The following MOXD1 variants were observed in gnomAD, a reference collection of about 807,000 sequenced individuals.
MOXD1 encodes the protein DBH-like monooxygenase protein 1.
MOXD1 carries 62 observed loss-of-function variants against 66.6 expected under a neutral mutation model. The observed-to-expected ratio is 0.93, with a 90% CI of 0.76 to 1.15. The LOEUF is 1.15. Ranked by LOEUF, MOXD1 falls within the 50% of genes most tolerant of loss-of-function variation. The pLI is 0.00. For missense variants in MOXD1, 847 were observed against 754.6 expected, an observed-to-expected ratio of 1.12 and a Z score of -1.44; for synonymous variants, 303 against 281.9, an observed-to-expected ratio of 1.07 and a Z score of -0.75.
chr6:132,350,773 A>C (rs1775785624), intron 4 of MOXD1, among the ~76,000 whole-genome samples: 1 of 152,066 alleles, frequency 6.6e-6, no homozygotes, highest in African/African-American at 2.4e-5. Flanking sequence ...ATGTGTTTCC[A>C]TTTGTTTGTG....
intron 4 of MOXD1, among the ~76,000 whole-genome samples, chr6:132,360,569 T>C (rs1775998073): frequency 6.8e-6 from 1 of 146,088 alleles, no homozygotes; most frequent in Admixed American, 6.7e-5. Flanking sequence ...CCATATGGCA[T>C]GGGACTGTGC....
intron 9 of MOXD1, among the ~76,000 whole-genome samples, chr6:132,318,983 G>C (rs896717706): frequency 1.3e-5 from 2 of 151,740 alleles, no homozygotes; most frequent in African/African-American, 2.4e-5. Flanking sequence ...AGAATTTGTA[G>C]GTCTGTTTCT....
At chr6:132,374,594 A>T (rs1267761212) in intron 2 of MOXD1, 37 bp downstream of exon 2, 1 of 1,597,622 alleles carries the variant, frequency 6.3e-7, no homozygotes, top group South Asian at 1.1e-5. Context: ...TAAATATACA[A>T]TTTGTTCATG....
intron 1 of MOXD1, among the ~76,000 whole-genome samples, chr6:132,378,476 T>C (rs973619549): frequency 3.3e-5 from 5 of 151,548 alleles, no homozygotes; most frequent in Non-Finnish European, 7.4e-5. Context: ...ATCTACTTTA[T>C]GGAATCAAAA....
chr6:132,299,193 G>A (rs544913815), intron 10 of MOXD1, among the ~76,000 whole-genome samples: 6 of 152,198 alleles, frequency 3.9e-5, no homozygotes, highest in South Asian at 4.1e-4. Context: ...CAAAAACCGC[G>A]TGTTCTCACA....
chr6:132,392,230 G>T, intron 1 of MOXD1: 1 of 1,600,772 alleles, frequency 6.2e-7, no homozygotes, highest in Non-Finnish European at 8.5e-7. Context: ...CAAGTGGCCC[G>T]GCAGCAATTA....
Position 132,401,359 on chromosome 6 carries a change from C to A in MOXD1, c.68G>T (p.Arg23Leu), listed in dbSNP as rs1562304743. ...LPGTAAGGSGRTYPHRTLLDS... is the reference protein window; with the variant it reads ...LPGTAAGGSGLTYPHRTLLDS... The stretch of plus-strand genomic sequence containing the variant: ...CAGGAGGGTCCGGTGCGGATAGGTT[C>A]GGCCCGAGCCCCCCGCCGCCGTCCC... The change falls in exon 1 of 12, where the codon CGA (arginine) becomes CTA (leucine). Residue 23 changes from arginine to leucine, a missense_variant. Arg to Leu is a moderately radical substitution (Grantham distance 102). Coordinates refer to ENST00000367963, the MANE Select transcript of MOXD1 (RefSeq NM_015529.4). 1.3e-6 allele frequency: 2 copies of A among 1,557,848 alleles called. No homozygotes were observed. Among genetic ancestry groups the A allele is most frequent in the Admixed American group, 1.9e-5 (1 of 54,004 alleles).
chr6:132,395,167 A>C (rs1444424704), intron 1 of MOXD1, among the ~76,000 whole-genome samples: 2 of 152,166 alleles, frequency 1.3e-5, no homozygotes, highest in African/African-American at 4.8e-5. Flanking sequence ...TGAAAGGAAA[A>C]AAAACTGCCA....
chr6:132,362,152 T>C (rs1776029444), intron 4 of MOXD1, among the ~76,000 whole-genome samples: 1 of 152,072 alleles, frequency 6.6e-6, no homozygotes, highest in African/African-American at 2.4e-5. Context: ...AACAAAAAAA[T>C]AAAATTGACC....
intron 4 of MOXD1, among the ~76,000 whole-genome samples, chr6:132,355,343 CT>C (rs769333354): frequency 2.6e-5 from 4 of 152,144 alleles, no homozygotes; most frequent in South Asian, 2.1e-4. Context: ...TCCTCTATCC[CT>C]GTATTTTGCT....
chr6:132,375,291 T>C lies in MOXD1; in HGVS notation c.265-514A>G, dbSNP rs118147914. On this transcript the variant is annotated intron_variant, in intron 1 of 11. Coordinates refer to ENST00000367963, the MANE Select transcript of MOXD1 (RefSeq NM_015529.4). Reference sequence around the variant, plus strand: ...TTTCAATATGACTTTTAATGGCATATCCTTATTAAAATAAAATGCAATGGG... The same window carrying C: ...TTTCAATATGACTTTTAATGGCATACCCTTATTAAAATAAAATGCAATGGG... Among the ~76,000 whole-genome samples, 273 of 152,272 alleles carry C rather than the reference T, an allele frequency of 1.8e-3. 6 individuals are homozygous for C. The highest frequency in any genetic ancestry group is 7.6e-4 in the Non-Finnish European group (52 of 68,026).
intron 10 of MOXD1, among the ~76,000 whole-genome samples, chr6:132,311,791 T>C (rs1041464080): frequency 1.3e-5 from 2 of 152,148 alleles, no homozygotes; most frequent in African/African-American, 4.8e-5. Flanking sequence ...TATAATAACA[T>C]TCATTCAACA....
chr6:132,297,054 C>A lies in MOXD1; in HGVS notation c.*99G>T. 1.6e-6 allele frequency: 2 copies of A among 1,275,110 alleles called. No individual in the cohort carries two copies. The highest frequency in any genetic ancestry group is 1.1e-6 in the Non-Finnish European group (1 of 920,682). 79.0% of individuals were successfully genotyped at this position (1,275,110 alleles called of 1,614,324 possible). A position where few individuals can be genotyped will look rare whatever the true frequency, so the allele number is the denominator to read the frequency against. ...GAGGGAAAATGGGGAAGAAAAGTCTCCACACTCTTCATGCCCAAAGTGGAC... is the reference window on the plus strand; with the variant it reads ...GAGGGAAAATGGGGAAGAAAAGTCTACACACTCTTCATGCCCAAAGTGGAC... On this transcript the variant is annotated 3_prime_UTR_variant, in exon 12 of 12. Coordinates refer to ENST00000367963, the MANE Select transcript of MOXD1 (RefSeq NM_015529.4).
chr6:132,302,440 CAGAGATTA>C (rs1387971377), intron 10 of MOXD1, among the ~76,000 whole-genome samples: 1 of 151,562 alleles, frequency 6.6e-6, no homozygotes, highest in Non-Finnish European at 1.5e-5. Flanking sequence ...CTTGAAATGA[CAGAGATTA>C]AAGAATTAGC....
At chr6:132,341,791 T>G (rs372673315) in intron 4 of MOXD1, among the ~76,000 whole-genome samples, 2 of 152,328 alleles carry the variant, frequency 1.3e-5, no homozygotes, top group South Asian at 4.1e-4. Context: ...AAGCTCAAGT[T>G]TTGTTTTCCC....
At chr6:132,315,803 A>T in intron 9 of MOXD1, 26 bp from the exon 10 acceptor site, 3 of 1,611,582 alleles carry the variant, frequency 1.9e-6, no homozygotes, top group Non-Finnish European at 2.5e-6. Context: ...TTATTTAGCA[A>T]AGTATGTGTT....
intron 1 of MOXD1, 110 bp from the exon 2 acceptor site, chr6:132,374,887 C>A: frequency 8.8e-7 from 1 of 1,129,960 alleles, no homozygotes; most frequent in South Asian, 1.5e-5. Flanking sequence ...TTATAAATCC[C>A]GGGAATTTCC....
intron 4 of MOXD1, among the ~76,000 whole-genome samples, chr6:132,348,084 T>A (rs965319154): frequency 5.9e-5 from 9 of 152,188 alleles, no homozygotes; most frequent in African/African-American, 2.2e-4. Context: ...AGTCTGTTTA[T>A]CTTAGTAAAG....
Position 132,374,658 on chromosome 6 carries a change from T to C in MOXD1, c.384A>G (p.Thr128=). 6 of 1,613,972 alleles carry C rather than the reference T, an allele frequency of 3.7e-6. No individual in the cohort carries two copies. Among genetic ancestry groups the C allele is most frequent in the Non-Finnish European group, 5.1e-6 (6 of 1,179,974 alleles). The part of the protein sequence containing the change: ...TIIEFTRELH[T]CDINDKSITD... The stretch of plus-strand genomic sequence containing the variant: ...TTATACTCTTGTCATTTATGTCACA[T>C]GTATGCAGCTCTCTGGTAAATTCAA... Residue 128 remains threonine (T), a synonymous_variant, in exon 2 of 12, where the codon ACA becomes ACG. Transcript: ENST00000367963.
Sources: allele counts gnomAD v4.1 joint callset (sites outside exome capture counted in the v4.1 genomes callset), GRCh38; gene constraint gnomAD v4.1.1; transcripts MANE v1.5; gene names NCBI Gene and HGNC (gene_info 2026-07-23, HGNC 2026-07-21).